Variants in PAG1 observed in about 807,000 individuals in gnomAD.
The protein encoded by PAG1 is phosphoprotein associated with glycosphingolipid-enriched microdomains 1.
A neutral mutation model predicts 31.7 loss-of-function variants in PAG1; 23 were observed. The observed-to-expected ratio is 0.73, with a 90% CI of 0.52 to 1.03. PAG1 has a LOEUF of 1.03. Ranked by LOEUF, PAG1 falls within the 50% of genes least tolerant of loss-of-function variation. The probability of loss-of-function intolerance (pLI) is 0.00; values close to 1 mark genes in which losing one functional copy is unlikely to be tolerated. For missense variants in PAG1, 473 were observed against 540.7 expected (o/e 0.87, Z 1.24); for synonymous variants, 214 against 210.3 (o/e 1.02, Z -0.15).
At chr8:81,008,669 T>C (rs1807929155) in intron 3 of PAG1, among the ~76,000 whole-genome samples, 1 of 150,940 alleles carries the variant, frequency 6.6e-6, no homozygotes, top group Admixed American at 6.6e-5. Flanking sequence ...CCTAACAGAG[T>C]GGTGTTCTGC....
intron 2 of PAG1, among the ~76,000 whole-genome samples, chr8:81,038,767 G>A (rs2130823954): frequency 6.6e-6 from 1 of 152,222 alleles, no homozygotes; most frequent in South Asian, 2.1e-4. Flanking sequence ...TTGATAATGT[G>A]CCCGTGTGTA....
chr8:80,991,441 C>CA, intron 5 of PAG1, 38 bp downstream of exon 5: 1 of 1,536,808 alleles, frequency 6.5e-7, no homozygotes, highest in African/African-American at 1.4e-5. Flanking sequence ...TTCTGGAGCA[C>CA]GCACGGACAG....
At chr8:81,016,545 T>C (rs1292414306) in intron 3 of PAG1, among the ~76,000 whole-genome samples, 1 of 152,212 alleles carries the variant, frequency 6.6e-6, no homozygotes, top group Non-Finnish European at 1.5e-5. Context: ...CTTATGCTAT[T>C]GCCTCACCTG....
At chr8:81,028,191 A>T (rs969753522) in intron 3 of PAG1, among the ~76,000 whole-genome samples, 2 of 152,224 alleles carry the variant, frequency 1.3e-5, no homozygotes, top group African/African-American at 4.8e-5. Flanking sequence ...CAGAAATGCC[A>T]GGCCTCAGTC....
chr8:81,017,957 C>A (rs1347757), intron 3 of PAG1, among the ~76,000 whole-genome samples: 73,986 of 152,090 alleles, frequency 0.49, 21,079 homozygotes, highest in Non-Finnish European at 0.63. Context: ...ATTTTAAAGG[C>A]AGTCCTAAAT....
chr8:81,096,431 C>G (rs1809529224), intron 1 of PAG1, among the ~76,000 whole-genome samples: 1 of 152,020 alleles, frequency 6.6e-6, no homozygotes, highest in Non-Finnish European at 1.5e-5. Flanking sequence ...TTTTAGAGGC[C>G]CATAGATGTA....
chr8:81,076,739 T>C (rs1809184698), intron 1 of PAG1, among the ~76,000 whole-genome samples: 1 of 152,202 alleles, frequency 6.6e-6, no homozygotes, highest in Non-Finnish European at 1.5e-5. Context: ...GCTAAGTACA[T>C]ACTTTTTAAA....
chr8:80,987,668 G>T, intron 5 of PAG1: 1 of 521,022 alleles, frequency 1.9e-6, no homozygotes, highest in East Asian at 3.4e-5. Flanking sequence ...GAGTAGTACT[G>T]AACCCTATAT....
Position 80,975,759 on chromosome 8 carries a change from G to A in PAG1, c.*785C>T, listed in dbSNP as rs1050810328. ...TGGAAAATACTGAAAAGATTCGGAC[G>A]AGTTTTCAAACACTGGGGGAAACAC... is the stretch of plus-strand genomic sequence containing the variant. On this transcript the variant is annotated 3_prime_UTR_variant, in exon 9 of 9. Transcript: ENST00000220597. The A allele has an allele frequency of 6.6e-6, 1 of 152,206 alleles. No homozygotes were observed. 9.4% of individuals were successfully genotyped at this position (152,206 alleles called of 1,614,324 possible). A position where few individuals can be genotyped will look rare whatever the true frequency, so the allele number is the denominator to read the frequency against.
intron 1 of PAG1, among the ~76,000 whole-genome samples, chr8:81,082,578 G>A (rs1050958206): frequency 6.6e-6 from 1 of 152,080 alleles, no homozygotes; most frequent in African/African-American, 2.4e-5. Context: ...TAGTTCCACA[G>A]GTCCTTGAGG....
intron 3 of PAG1, among the ~76,000 whole-genome samples, chr8:81,025,242 A>G (rs1808255431): frequency 6.6e-6 from 1 of 152,166 alleles, no homozygotes; most frequent in African/African-American, 2.4e-5. Context: ...AAAATGTAGG[A>G]CATTCTGCAT....
intron 1 of PAG1, among the ~76,000 whole-genome samples, chr8:81,080,137 T>G (rs2131011503): frequency 6.6e-6 from 1 of 152,274 alleles, no homozygotes; most frequent in Non-Finnish European, 1.5e-5. Flanking sequence ...CAAAGGAATG[T>G]TAAAGCAATT....
intron 1 of PAG1, among the ~76,000 whole-genome samples, chr8:81,083,808 G>A (rs1360230472): frequency 2.0e-5 from 3 of 152,074 alleles, no homozygotes; most frequent in Non-Finnish European, 4.4e-5. Context: ...GCTGAGGCGG[G>A]TAGATCACTT....
chr8:81,110,736 A>C (rs1809760831), intron 1 of PAG1, among the ~76,000 whole-genome samples: 1 of 152,216 alleles, frequency 6.6e-6, no homozygotes, highest in Admixed American at 6.5e-5. Flanking sequence ...CTGCCTTGAA[A>C]AATATAGTGG....
chr8:81,025,349 T>C (rs920183637), intron 3 of PAG1, among the ~76,000 whole-genome samples: 3 of 152,320 alleles, frequency 2.0e-5, no homozygotes, highest in Admixed American at 2.0e-4. Flanking sequence ...CCCAAACATA[T>C]CCAACCATGA....
chr8:81,049,972 C>T (rs536475464), intron 2 of PAG1, among the ~76,000 whole-genome samples: 2 of 152,274 alleles, frequency 1.3e-5, no homozygotes, highest in African/African-American at 2.4e-5. Flanking sequence ...AAGGTCCCTC[C>T]CTGCTCTCCT....
At chr8:81,075,454 T>C (rs562168721) in intron 1 of PAG1, among the ~76,000 whole-genome samples, 7 of 152,376 alleles carry the variant, frequency 4.6e-5, no homozygotes, top group African/African-American at 1.7e-4. Context: ...AACACTTGCA[T>C]GTGAAATAAT....
intron 3 of PAG1, among the ~76,000 whole-genome samples, chr8:80,993,713 G>GAACC (rs754157334): frequency 2.3e-4 from 34 of 149,966 alleles, no homozygotes; most frequent in Non-Finnish European, 4.1e-4. Context: ...ATCCTCTCCT[G>GAACC]AACCACCCCC....
At chr8:81,098,140 C>G (rs1809556296) in intron 1 of PAG1, among the ~76,000 whole-genome samples, 1 of 152,264 alleles carries the variant, frequency 6.6e-6, no homozygotes, top group South Asian at 2.1e-4. Flanking sequence ...CCACAGGAAA[C>G]CAGTTAAGAC....
Sources: allele counts gnomAD v4.1 joint callset (sites outside exome capture counted in the v4.1 genomes callset), GRCh38; gene constraint gnomAD v4.1.1; transcripts MANE v1.5; gene names NCBI Gene and HGNC (gene_info 2026-07-23, HGNC 2026-07-21).